Variants in VTI1A observed in about 807,000 individuals in gnomAD.
VTI1A encodes vesicle transport through interaction with t-SNAREs homolog 1A.
A neutral mutation model predicts 34.9 loss-of-function variants in VTI1A; 22 were observed. The ratio of observed to expected loss-of-function variants is 0.63; its 90% CI spans 0.45 to 0.90. VTI1A has a LOEUF of 0.90. Among genes scored for constraint, VTI1A ranks in the 40% least tolerant of loss-of-function variants. The pLI is 0.00. For missense variants in VTI1A, 268 were observed against 275.6 expected (o/e 0.97, Z 0.20); for synonymous variants, 87 against 97.3 (o/e 0.89, Z 0.62).
the VTI1A span, among the ~76,000 whole-genome samples, chr10:112,842,532 T>A: frequency 1.3e-5 from 2 of 152,370 alleles, no homozygotes; most frequent in African/African-American, 4.8e-5. Flanking sequence ...GCTCTGGGAC[T>A]AACTGGCACT....
rs58584521 is a variant in VTI1A, at chr10:112,752,494, T to C, written c.561-62796T>C. 11,163 of 985,404 alleles carry C rather than the reference T, an allele frequency of 0.011. 926 individuals are homozygous for C. The African/African-American group carries it at 0.18, about 15-fold the overall frequency. The allele number at this position is 985,404 out of a possible 1,614,324, so 61.0% of individuals were successfully genotyped here. ...ACTGCATTTCTGTTGCTCAAACTTT[T>C]TGACCTTTGTGCTATTTGAGAAATC... On this transcript the variant is annotated intron_variant, in intron 7 of 7. Coordinates refer to ENST00000393077, the MANE Select transcript of VTI1A (RefSeq NM_145206.4).
chr10:112,721,681 A>G (rs2133940804), intron 7 of VTI1A, among the ~76,000 whole-genome samples: 1 of 152,296 alleles, frequency 6.6e-6, no homozygotes, highest in East Asian at 1.9e-4. Context: ...CGCCATAATG[A>G]TGTGCTGTTG....
intron 4 of VTI1A, 143 bp from the exon 5 acceptor site, chr10:112,538,103 A>C: frequency 1.5e-6 from 1 of 651,044 alleles, no homozygotes; most frequent in East Asian, 2.7e-5. Flanking sequence ...CCTATAATGG[A>C]AAATTTGCTA....
chr10:112,550,843 A>G (rs1055011800), intron 5 of VTI1A, among the ~76,000 whole-genome samples: 2 of 152,276 alleles, frequency 1.3e-5, no homozygotes, highest in East Asian at 3.9e-4. Flanking sequence ...AAGAAGGCAC[A>G]TTGTTGAGTA....
chr10:112,669,523 T>C (rs943224087), intron 7 of VTI1A, among the ~76,000 whole-genome samples: 2 of 152,214 alleles, frequency 1.3e-5, no homozygotes, highest in Admixed American at 6.5e-5. Flanking sequence ...ATGTTCATGT[T>C]TTATATGTGT....
chr10:112,470,840 C>T (rs935885032), intron 3 of VTI1A, among the ~76,000 whole-genome samples: 4 of 152,058 alleles, frequency 2.6e-5, no homozygotes, highest in Non-Finnish European at 5.9e-5. Flanking sequence ...GAGCTGAGAT[C>T]GCACCACTAA....
chr10:112,613,221 T>C (rs888856969), intron 5 of VTI1A, among the ~76,000 whole-genome samples: 2 of 152,186 alleles, frequency 1.3e-5, no homozygotes, highest in African/African-American at 4.8e-5. Flanking sequence ...AATAGTCTTT[T>C]AGTTGCTGAA....
intron 7 of VTI1A, among the ~76,000 whole-genome samples, chr10:112,673,468 G>GCGCGCACACACACACA (rs1554938762): frequency 5.1e-4 from 78 of 151,668 alleles, no homozygotes; most frequent in African/African-American, 1.9e-3. Flanking sequence ...GCGTGCGCGC[G>GCGCGCACACACACACA]CACACACACA....
At chr10:112,479,030 G>A (rs1401261418) in intron 3 of VTI1A, among the ~76,000 whole-genome samples, 2 of 152,164 alleles carry the variant, frequency 1.3e-5, no homozygotes, top group African/African-American at 2.4e-5. Flanking sequence ...AGCCAGGCGT[G>A]GTGGCACGCG....
intron 3 of VTI1A, among the ~76,000 whole-genome samples, chr10:112,499,657 C>T (rs1849153759): frequency 6.6e-6 from 1 of 152,200 alleles, no homozygotes; most frequent in African/African-American, 2.4e-5. Context: ...AAAACCTGTT[C>T]TTCTTCCTGC....
chr10:112,654,913 A>G (rs1487932468), intron 5 of VTI1A, among the ~76,000 whole-genome samples: 1 of 152,204 alleles, frequency 6.6e-6, no homozygotes, highest in Non-Finnish European at 1.5e-5. Context: ...CTGCCTCATG[A>G]TATAGCATAA....
chr10:112,460,472 A>G, intron 1 of VTI1A, 52 bp from the exon 2 acceptor site: 2 of 1,515,844 alleles, frequency 1.3e-6, no homozygotes, highest in Non-Finnish European at 8.9e-7. Flanking sequence ...GTTTTAAAAT[A>G]TTAAATTTAT....
intron 7 of VTI1A, among the ~76,000 whole-genome samples, chr10:112,726,089 A>C (rs917191470): frequency 1.1e-4 from 16 of 152,180 alleles, no homozygotes; most frequent in African/African-American, 3.9e-4. Flanking sequence ...TTGGAGTGGT[A>C]ACGCAGTCTT....
At chr10:112,466,194 G>A (rs536791272) in intron 3 of VTI1A, among the ~76,000 whole-genome samples, 1 of 152,282 alleles carries the variant, frequency 6.6e-6, no homozygotes, top group African/African-American at 2.4e-5. Context: ...CTCAGTTCTT[G>A]CCTTAGGTGT....
At chr10:112,481,765 C>T (rs1417212480) in intron 3 of VTI1A, among the ~76,000 whole-genome samples, 3 of 152,224 alleles carry the variant, frequency 2.0e-5, no homozygotes, top group Non-Finnish European at 4.4e-5. Flanking sequence ...CAGAATTGCT[C>T]TTTGCCTCCC....
intron 5 of VTI1A, among the ~76,000 whole-genome samples, chr10:112,539,976 A>G (rs906692045): frequency 8.5e-5 from 13 of 152,202 alleles, no homozygotes; most frequent in African/African-American, 3.1e-4. Flanking sequence ...CACTGTGTCT[A>G]TGGAATATGA....
intron 3 of VTI1A, among the ~76,000 whole-genome samples, chr10:112,491,023 C>T (rs1848803721): frequency 6.8e-6 from 1 of 146,864 alleles, no homozygotes; most frequent in African/African-American, 2.5e-5. Flanking sequence ...TTTGACATAC[C>T]ACCTTTCCCC....
At chr10:112,728,475 A>C (rs1850127074) in intron 7 of VTI1A, among the ~76,000 whole-genome samples, 1 of 152,214 alleles carries the variant, frequency 6.6e-6, no homozygotes, top group Admixed American at 6.5e-5. Flanking sequence ...TTGAAGGGAT[A>C]AAGGAGCTTG....
intron 7 of VTI1A, among the ~76,000 whole-genome samples, chr10:112,794,410 G>C (rs1852599827): frequency 6.6e-6 from 1 of 152,012 alleles, no homozygotes; most frequent in Admixed American, 6.5e-5. Flanking sequence ...AAATTAGCCA[G>C]GTGTGGTCAT....
Sources: gnomAD v4.1 joint callset for allele counts (sites outside exome capture counted in the v4.1 genomes callset) on GRCh38, gnomAD v4.1.1 for gene constraint, MANE v1.5 for transcripts, NCBI Gene and HGNC (gene_info 2026-07-23, HGNC 2026-07-21) for gene names.